GK5: variants seen among roughly 807,000 people sequenced by gnomAD.
GK5 encodes the protein glycerol kinase 5.
In GK5, 39 loss-of-function variants were observed where a neutral mutation model predicts 77.3. That is an observed-to-expected ratio of 0.50 (90% CI 0.39 to 0.66). The LOEUF is 0.66. Among genes scored for constraint, GK5 ranks in the 30% least tolerant of loss-of-function variants. GK5 has a pLI of 0.00. For missense variants in GK5, 487 were observed against 633.8 expected (o/e 0.77, Z 2.49); for synonymous variants, 211 against 208.0 (o/e 1.01, Z -0.13).
chr3:142,188,420 G>T (rs562213147), intron 5 of GK5, among the ~76,000 whole-genome samples: 2 of 152,098 alleles, frequency 1.3e-5, no homozygotes, highest in Non-Finnish European at 2.9e-5. Context: ...CTGTAGTCCC[G>T]CTACTTGGGA....
intron 3 of GK5, among the ~76,000 whole-genome samples, chr3:142,212,984 G>C (rs1031662066): frequency 2.6e-5 from 4 of 151,510 alleles, no homozygotes; most frequent in Non-Finnish European, 2.9e-5. Context: ...ACAGGCGCTC[G>C]CCACCTCGCC....
At chr3:142,218,979 T>A (rs558939087) in intron 1 of GK5, among the ~76,000 whole-genome samples, 1 of 152,304 alleles carries the variant, frequency 6.6e-6, no homozygotes, top group African/African-American at 2.4e-5. Context: ...ATTACAAATA[T>A]GTACATGAAG....
chr3:142,216,073 C>G (rs936685419), intron 1 of GK5, among the ~76,000 whole-genome samples: 3 of 152,156 alleles, frequency 2.0e-5, no homozygotes, highest in African/African-American at 7.2e-5. Flanking sequence ...CCGCTAAATA[C>G]AAATATAACA....
At chr3:142,166,087 A>C (rs1416009166) in intron 15 of GK5, among the ~76,000 whole-genome samples, 1 of 152,154 alleles carries the variant, frequency 6.6e-6, no homozygotes, top group Non-Finnish European at 1.5e-5. Flanking sequence ...CCAAGTGAAA[A>C]ACAGTATATT....
rs763662842 is a variant in GK5, at chr3:142,165,592, T to C, written c.*30A>G. 2.6e-6 allele frequency: 4 copies of C among 1,552,330 alleles called. No homozygotes were observed. Among genetic ancestry groups the C allele is most frequent in the Non-Finnish European group, 3.5e-6 (4 of 1,145,996 alleles). On this transcript the variant is annotated 3_prime_UTR_variant, in exon 16 of 16. Coordinates refer to ENST00000392993, the MANE Select transcript of GK5 (RefSeq NM_001039547.3). Reference sequence around the variant, plus strand: ...TCATCTGCACGTCACATAAACCAGCTACCTATGGTTTTGATCATTTCATTT... The same window carrying C: ...TCATCTGCACGTCACATAAACCAGCCACCTATGGTTTTGATCATTTCATTT...
chr3:142,177,857 CTTT>C (rs370889965), intron 11 of GK5, among the ~76,000 whole-genome samples: 1 of 128,184 alleles, frequency 7.8e-6, no homozygotes, highest in Non-Finnish European at 1.6e-5. Flanking sequence ...CGTTTTTTTT[CTTT>C]TTTTTTTTTT....
chr3:142,207,346 G>A (rs2064124221), intron 3 of GK5, among the ~76,000 whole-genome samples: 1 of 152,142 alleles, frequency 6.6e-6, no homozygotes, highest in East Asian at 1.9e-4. Flanking sequence ...GGTCTAACTG[G>A]TTGTCTAGCT....
At chr3:142,181,397 A>T in intron 11 of GK5, 64 bp downstream of exon 11, 1 of 887,556 alleles carries the variant, frequency 1.1e-6, no homozygotes, top group Non-Finnish European at 1.8e-6. Context: ...ACTAATCTGC[A>T]ATCCTGTGGC....
At chr3:142,203,102 A>G (rs1413951058) in intron 4 of GK5, among the ~76,000 whole-genome samples, 2 of 152,196 alleles carry the variant, frequency 1.3e-5, no homozygotes, top group Admixed American at 1.3e-4. Flanking sequence ...ATTAAGGTAT[A>G]AAATTATAGA....
chr3:142,159,149 A>G lies in GK5; in HGVS notation c.*6473T>C, dbSNP rs1366521640. The G allele has an allele frequency of 1.3e-5, 2 of 152,206 alleles. No individual in the cohort carries two copies. The highest frequency in any genetic ancestry group is 2.9e-5 in the Non-Finnish European group (2 of 68,036). The allele number at this position is 152,206 out of a possible 1,614,324, so 9.4% of individuals were successfully genotyped here. ...TCCTGCCTCAATTGGCAAATGGGCA[A>G]AAGATATGAACAGATATTTCACTGA... is the stretch of plus-strand genomic sequence containing the variant. On this transcript the variant is annotated 3_prime_UTR_variant, in exon 16 of 16. Coordinates refer to ENST00000392993, the MANE Select transcript of GK5 (RefSeq NM_001039547.3).
intron 5 of GK5, among the ~76,000 whole-genome samples, chr3:142,196,403 T>C (rs184483241): frequency 4.6e-4 from 70 of 152,226 alleles, no homozygotes; most frequent in Non-Finnish European, 7.2e-4. Flanking sequence ...TGGTAGACTA[T>C]TGACGTGATA....
chr3:142,171,039 G>T (rs989699567), intron 14 of GK5, among the ~76,000 whole-genome samples: 1 of 151,974 alleles, frequency 6.6e-6, no homozygotes, highest in Non-Finnish European at 1.5e-5. Flanking sequence ...TACCACCCTG[G>T]CCAACATGGC....
chr3:142,214,655 C>A (rs2064246485), intron 2 of GK5, among the ~76,000 whole-genome samples: 2 of 152,166 alleles, frequency 1.3e-5, no homozygotes, highest in African/African-American at 4.8e-5. Context: ...ATGAAAGGAG[C>A]CTAAGCCGAC....
At chr3:142,222,132 T>C (rs1033225021) in intron 1 of GK5, among the ~76,000 whole-genome samples, 4 of 152,232 alleles carry the variant, frequency 2.6e-5, no homozygotes, top group Non-Finnish European at 2.9e-5. Context: ...ACATTTTAAC[T>C]GCAATTCAAT....
intron 15 of GK5, among the ~76,000 whole-genome samples, chr3:142,168,460 T>A (rs985451404): frequency 1.3e-5 from 2 of 152,328 alleles, no homozygotes; most frequent in South Asian, 2.1e-4. Flanking sequence ...AGAATCAAGT[T>A]TAAGCCGAAT....
chr3:142,183,284 T>G (rs1274076082), intron 9 of GK5: 3 of 328,504 alleles, frequency 9.1e-6, no homozygotes, highest in African/African-American at 6.4e-5. Flanking sequence ...TGTTTTTATT[T>G]TGGTTTGTTG....
chr3:142,195,497 C>T (rs778452674), intron 5 of GK5, among the ~76,000 whole-genome samples: 1 of 152,136 alleles, frequency 6.6e-6, no homozygotes, highest in Non-Finnish European at 1.5e-5. Context: ...GTGTGTACTA[C>T]TATACCCAGC....
intron 9 of GK5, 138 bp downstream of exon 9, chr3:142,185,791 T>C (rs1205101635): frequency 2.6e-6 from 4 of 1,551,614 alleles, no homozygotes; most frequent in Non-Finnish European, 2.6e-6. Flanking sequence ...CAGGGACCTT[T>C]AACTTAAAAA....
chr3:142,207,739 C>T (rs1280937688), intron 3 of GK5, among the ~76,000 whole-genome samples: 2 of 152,168 alleles, frequency 1.3e-5, no homozygotes, highest in Non-Finnish European at 2.9e-5. Context: ...CTGGACCCAG[C>T]TTTCACTATC....
Sources: allele counts gnomAD v4.1 joint callset (sites outside exome capture counted in the v4.1 genomes callset), GRCh38; gene constraint gnomAD v4.1.1; transcripts MANE v1.5; gene names NCBI Gene and HGNC (gene_info 2026-07-23, HGNC 2026-07-21).